SFPQ: variants seen among roughly 807,000 people sequenced by gnomAD.
SFPQ encodes the protein splicing factor, proline- and glutamine-rich.
A neutral mutation model predicts 72.9 loss-of-function variants in SFPQ; 11 were observed. The observed-to-expected ratio is 0.15, with a 90% CI of 0.09 to 0.25. The LOEUF is 0.25. Among genes scored for constraint, SFPQ ranks in the 10% least tolerant of loss-of-function variants. SFPQ has a pLI of 1.00. For missense variants in SFPQ, 847 were observed against 993.3 expected, an observed-to-expected ratio of 0.85 and a Z score of 1.98; for synonymous variants, 506 against 367.3, an observed-to-expected ratio of 1.38 and a Z score of -4.32.
chr1:35,192,332 C>T lies in SFPQ; in HGVS notation c.718G>A (p.Glu240Lys). The change falls in exon 1 of 10, where the codon GAG (glutamate) becomes AAG (lysine). Residue 240 changes from glutamate (E) to lysine (K), a missense_variant. Physicochemically the swap from Glu to Lys is moderately conservative, Grantham distance 56. Coordinates refer to ENST00000357214, the MANE Select transcript of SFPQ (RefSeq NM_005066.3). ...TGGTGCTGGCGGCCCCCGCGGGGCTCCCCGCCGCCTCGATGCGGCGGCTTG... is the reference window on the plus strand; with the variant it reads ...TGGTGCTGGCGGCCCCCGCGGGGCTTCCCGCCGCCTCGATGCGGCGGCTTG... ...HPKPPHRGGG[E>K]PRGGRQHHPP... 1 of 1,411,340 alleles carries T rather than the reference C, an allele frequency of 7.1e-7. No homozygotes were observed. Among genetic ancestry groups the T allele is most frequent in the Non-Finnish European group, 9.1e-7 (1 of 1,096,070 alleles). The allele number at this position is 1,411,340 out of a possible 1,614,324, so 87.4% of individuals were successfully genotyped here.
At chr1:35,181,175 A>C, downstream of SFPQ, 1 of 1,065,414 alleles carries the variant, frequency 9.4e-7, no homozygotes, top group Non-Finnish European at 1.1e-6. Context: ...GCAAGCAGGA[A>C]TACTACATCC....
chr1:35,192,348 C>A lies in SFPQ; in HGVS notation c.702G>T (p.Pro234=), dbSNP rs929257711. 7 of 1,396,210 alleles carry A rather than the reference C, an allele frequency of 5.0e-6. No homozygotes were observed. The highest frequency in any genetic ancestry group is 6.4e-6 in the Non-Finnish European group (7 of 1,088,910). 86.5% of individuals were successfully genotyped at this position (1,396,210 alleles called of 1,614,324 possible). ...CGCGGGGCTCCCCGCCGCCTCGATGCGGCGGCTTGGGGTGGCCGCCAGGCG... is the reference window on the plus strand; with the variant it reads ...CGCGGGGCTCCCCGCCGCCTCGATGAGGCGGCTTGGGGTGGCCGCCAGGCG... ...LSTPGGHPKP[P]HRGGGEPRGG... Residue 234 remains proline (P), a synonymous_variant, in exon 1 of 10, where the codon CCG becomes CCT. Coordinates refer to ENST00000357214, the MANE Select transcript of SFPQ (RefSeq NM_005066.3).
chr1:35,186,928 C>G (rs1639747853), intron 9 of SFPQ, 73 bp downstream of exon 9: 1 of 1,502,342 alleles, frequency 6.7e-7, no homozygotes. Flanking sequence ...AAAAACAAAA[C>G]AAAACAAAAC....
At chr1:35,189,808 G>C (rs760741312) in intron 4 of SFPQ, among the ~76,000 whole-genome samples, 1 of 151,978 alleles carries the variant, frequency 6.6e-6, no homozygotes, top group African/African-American at 2.4e-5. Context: ...AAATTAGCTG[G>C]GCATGGTGGC....
At chr1:35,189,531 GC>G (rs1410814520) in intron 4 of SFPQ, 149 bp from the exon 5 acceptor site, 78 of 584,524 alleles carry the variant, frequency 1.3e-4, no homozygotes, top group South Asian at 7.7e-4. Context: ...TATCTTCACA[GC>G]AAAAATACTC....
At chr1:35,179,719 C>T (rs1639389225), downstream of SFPQ, 4 of 1,057,214 alleles carry the variant, frequency 3.8e-6, no homozygotes, top group African/African-American at 1.6e-5. Flanking sequence ...AAAATTAACC[C>T]CCCACCCCAA....
In SFPQ at chr1:35,183,225, C is replaced by CTTT; in HGVS notation, c.*1228_*1230dup. ...AACTAAACCTACTTCAGTACTAAAC[C>CTTT]TTTTTTTTTTTTTGAGACAGAGTCT... On this transcript the variant is annotated 3_prime_UTR_variant, in exon 10 of 10. Coordinates refer to ENST00000357214, the MANE Select transcript of SFPQ (RefSeq NM_005066.3). 6 of 760,766 alleles carry CTTT rather than the reference C, an allele frequency of 7.9e-6. No homozygotes were observed. The highest frequency in any genetic ancestry group is 7.5e-6 in the Non-Finnish European group (5 of 665,888). 47.1% of individuals were successfully genotyped at this position (760,766 alleles called of 1,614,324 possible).
At chr1:35,186,710 T>TG (rs982272151) in intron 9 of SFPQ, among the ~76,000 whole-genome samples, 3 of 152,200 alleles carry the variant, frequency 2.0e-5, no homozygotes, top group African/African-American at 7.2e-5. Context: ...GGATTTGCCA[T>TG]GCACTAGAGT....
rs370466742 is a variant in SFPQ at position 35,184,406 on chromosome 1, A to G, written c.*50T>C. On this transcript the variant is annotated 3_prime_UTR_variant, in exon 10 of 10. Transcript: ENST00000357214. Reference sequence around the variant, plus strand: ...AAATGCAAGAATTTAAAAGATTGGTATCTAAACAAAAAAACAAAACAAACT... The same window carrying G: ...AAATGCAAGAATTTAAAAGATTGGTGTCTAAACAAAAAAACAAAACAAACT... The G allele has an allele frequency of 4.4e-6, 7 of 1,591,486 alleles. No individual in the cohort carries two copies. Among genetic ancestry groups the G allele is most frequent in the Middle Eastern group, 3.3e-4 (2 of 6,010 alleles).
intron 9 of SFPQ, 37 bp downstream of exon 9, chr1:35,186,964 G>A: frequency 6.4e-7 from 1 of 1,570,328 alleles, no homozygotes; most frequent in South Asian, 1.2e-5. Flanking sequence ...GTGAAAATGA[G>A]AATTTCCTTG....
In SFPQ at chr1:35,189,286, T is replaced by C; in HGVS notation, c.1512A>G (p.Gln504=). The C allele has an allele frequency of 6.2e-7, 1 of 1,613,970 alleles. No individual in the cohort carries two copies. Among genetic ancestry groups the C allele is most frequent in the Non-Finnish European group, 8.5e-7 (1 of 1,179,822 alleles). Residue 504 remains glutamine (Q), a synonymous_variant, in exon 5 of 10, where the codon CAA becomes CAG. Coordinates refer to ENST00000357214, the MANE Select transcript of SFPQ (RefSeq NM_005066.3). ...WKSLDEMEKQ[Q]REQVEKNMKD... ...TCATGTTTTTTTCAACTTGTTCCCT[T>C]TGCTGTTTTTCCATTTCATCCAAAG...
intron 4 of SFPQ, among the ~76,000 whole-genome samples, chr1:35,190,197 T>C (rs1303362748): frequency 2.6e-5 from 4 of 152,060 alleles, no homozygotes; most frequent in African/African-American, 9.7e-5. Flanking sequence ...GAGGCAGAGG[T>C]TGCAGAGAGC....
chr1:35,182,271 G>A (rs1639501111), downstream of SFPQ: 1 of 985,024 alleles, frequency 1.0e-6, no homozygotes, highest in Non-Finnish European at 1.2e-6. Flanking sequence ...CAACCAAACT[G>A]TAATGGATTC....
At chr1:35,179,921 C>CAT (rs1312631069), downstream of SFPQ, 6 of 1,054,730 alleles carry the variant, frequency 5.7e-6, no homozygotes, top group Non-Finnish European at 6.9e-6. Context: ...TAGTGATACT[C>CAT]ATGTCACTAA....
chr1:35,187,268 C>G lies in SFPQ; in HGVS notation c.1816-17G>C. 1 of 1,613,368 alleles carries G rather than the reference C, an allele frequency of 6.2e-7. No individual in the cohort carries two copies. The highest frequency in any genetic ancestry group is 8.5e-7 in the Non-Finnish European group (1 of 1,179,256). On this transcript the variant is annotated splice_polypyrimidine_tract_variant and intron_variant, in intron 7 of 9. Transcript: ENST00000357214. ...TCTTTCCCGCTGCAAGAAAAAAATT[C>G]CTTTCAATATACCTGCACTATACCC... is the stretch of plus-strand genomic sequence containing the variant.
In SFPQ at chr1:35,192,482, C is replaced by A; in HGVS notation, c.568G>T (p.Ala190Ser). 2.3e-6 allele frequency: 3 copies of A among 1,330,094 alleles called. No homozygotes were observed. The Admixed American group carries it at 1.2e-4, about 55-fold the overall frequency. The allele number at this position is 1,330,094 out of a possible 1,614,324, so 82.4% of individuals were successfully genotyped here. ...GGCCCTGGACCCGGGCCCGGGACTG[C>A]CGCGGGCGGAGGCGGCGGGCCTCCG... Reference protein sequence around the residue: ...QAGGPPPPPAAVPGPGPGPKQ... With the variant: ...QAGGPPPPPASVPGPGPGPKQ... The change falls in exon 1 of 10, where the codon GCA becomes TCA. Residue 190 changes from alanine (A) to serine (S), a missense_variant. By Grantham distance (99) the Ala-to-Ser change is moderately conservative (BLOSUM62 1). Transcript: ENST00000357214.
At position 35,192,238 on chromosome 1, in the gene SFPQ, T is replaced by A. The variant is rs1358663797; in HGVS notation, c.812A>T (p.Lys271Met). 15 of 1,461,684 alleles carry A rather than the reference T, an allele frequency of 1.0e-5. No individual in the cohort carries two copies. The South Asian group carries it at 1.0e-4, about 10-fold the overall frequency. The allele number at this position is 1,461,684 out of a possible 1,614,324, so 90.5% of individuals were successfully genotyped here. A position where few individuals can be genotyped will look rare whatever the true frequency, so the allele number is the denominator to read the frequency against. ...PGGPGGRSEE[K>M]ISDSEGFKAN... is the part of the protein sequence containing the mutation. ...GACACTCACCTCCGAGTCCGAGATC[T>A]TCTCCTCGCTGCGGCCGCCGGGCCC... The change falls in exon 1 of 10, where the codon AAG becomes ATG. Residue 271 changes from lysine (K) to methionine (M), a missense_variant. Coordinates refer to ENST00000357214, the MANE Select transcript of SFPQ (RefSeq NM_005066.3).
chr1:35,188,910 G>C, intron 6 of SFPQ, 93 bp downstream of exon 6: 1 of 948,544 alleles, frequency 1.1e-6, no homozygotes, highest in Non-Finnish European at 1.7e-6. Flanking sequence ...GTGGTGAGCT[G>C]AGACTGCACC....
intron 7 of SFPQ, 83 bp downstream of exon 7, chr1:35,187,890 T>C: frequency 1.2e-6 from 1 of 807,762 alleles, no homozygotes. Context: ...TGTAATTTGA[T>C]ATTAAAATTT....
Sources: gnomAD v4.1 joint callset for allele counts (sites outside exome capture counted in the v4.1 genomes callset) on GRCh38, gnomAD v4.1.1 for gene constraint, MANE v1.5 for transcripts, NCBI Gene and HGNC (gene_info 2026-07-23, HGNC 2026-07-21) for gene names.